TRPM3: variants seen among roughly 807,000 people sequenced by gnomAD.
TRPM3 encodes the protein long transient receptor potential channel 3.
TRPM3 carries 77 observed loss-of-function variants against 181.2 expected under a neutral mutation model. The ratio of observed to expected loss-of-function variants is 0.42; its 90% CI spans 0.35 to 0.51. The LOEUF is 0.51. TRPM3 is among the 20% of genes least tolerant of loss of function. The probability of loss-of-function intolerance (pLI) is 0.01; values close to 1 mark genes in which losing one functional copy is unlikely to be tolerated. For synonymous variants in TRPM3, 745 were observed against 796.4 expected, an observed-to-expected ratio of 0.94 and a Z score of 1.09; for missense variants, 1,759 against 2,196.7, an observed-to-expected ratio of 0.80 and a Z score of 3.98.
chr9:71,416,941 T>C (rs907401570), intron 1 of TRPM3, among the ~76,000 whole-genome samples: 1 of 152,016 alleles, frequency 6.6e-6, no homozygotes, highest in Non-Finnish European at 1.5e-5. Context: ...TACTATTCTG[T>C]GTCTGGTTTC....
At chr9:71,055,084 T>C (rs1318850000) in intron 1 of TRPM3, among the ~76,000 whole-genome samples, 1 of 152,124 alleles carries the variant, frequency 6.6e-6, no homozygotes, top group East Asian at 1.9e-4. Flanking sequence ...TGAGGTATTA[T>C]TAAGTCATGT....
At chr9:71,412,631 C>T (rs1003170500) in intron 1 of TRPM3, among the ~76,000 whole-genome samples, 55 of 152,198 alleles carry the variant, frequency 3.6e-4, no homozygotes, top group African/African-American at 1.3e-3. Flanking sequence ...GAAATAGGAA[C>T]ACTTTTACAC....
At chr9:71,045,382 C>T (rs1590938637) in intron 1 of TRPM3, among the ~76,000 whole-genome samples, 1 of 152,170 alleles carries the variant, frequency 6.6e-6, no homozygotes, top group Non-Finnish European at 1.5e-5. Flanking sequence ...GCAGGCAACA[C>T]ATCACAAGTT....
intron 3 of TRPM3, among the ~76,000 whole-genome samples, chr9:70,862,091 C>T (rs2095536808): frequency 6.6e-6 from 1 of 152,064 alleles, no homozygotes; most frequent in African/African-American, 2.4e-5. Flanking sequence ...AGCAAAATTT[C>T]TTCTCCAGAC....
chr9:70,622,608 G>C (rs747650177), intron 14 of TRPM3, among the ~76,000 whole-genome samples: 52 of 152,332 alleles, frequency 3.4e-4, no homozygotes, highest in Admixed American at 1.2e-3. Flanking sequence ...ACAGGCACAG[G>C]CTGAGTCGGA....
intron 1 of TRPM3, among the ~76,000 whole-genome samples, chr9:71,295,234 G>A (rs915860243): frequency 1.6e-4 from 24 of 152,004 alleles, no homozygotes; most frequent in African/African-American, 4.3e-4. Flanking sequence ...AGCAAGGTAG[G>A]AGGTATTCAT....
At chr9:71,150,154 T>A (rs1301557600) in intron 1 of TRPM3, among the ~76,000 whole-genome samples, 3 of 152,022 alleles carry the variant, frequency 2.0e-5, no homozygotes, top group African/African-American at 4.8e-5. Context: ...TTGTTATTTT[T>A]AAAAATAGGA....
intron 1 of TRPM3, among the ~76,000 whole-genome samples, chr9:71,160,136 T>C (rs906922903): frequency 6.6e-6 from 1 of 152,136 alleles, no homozygotes; most frequent in Non-Finnish European, 1.5e-5. Context: ...CAGGCACACT[T>C]TGGCCTTGTA....
chr9:71,119,652 G>GA lies in TRPM3; in HGVS notation c.177+1525dup, dbSNP rs1377535690. ...TTAAAGCTGATACATGACTTTAACTGAAAAAATGTTTCTCATTGCACTTCG... is the reference window on the plus strand; with the variant it reads ...TTAAAGCTGATACATGACTTTAACTGAAAAAAATGTTTCTCATTGCACTTCG... On this transcript the variant is annotated intron_variant, in intron 1 of 25. Transcript: ENST00000677713. Among the ~76,000 whole-genome samples, 4 of 152,262 alleles carry GA rather than the reference G, an allele frequency of 2.6e-5. No individual in the cohort carries two copies. In the South Asian group the frequency reaches 6.2e-4, roughly 24 times the overall value.
At chr9:71,348,798 C>T (rs1235464240) in intron 1 of TRPM3, among the ~76,000 whole-genome samples, 8 of 151,856 alleles carry the variant, frequency 5.3e-5, no homozygotes, top group East Asian at 1.9e-4. Context: ...CTCAAACTCC[C>T]GGCCTCAAAT....
intron 1 of TRPM3, among the ~76,000 whole-genome samples, chr9:71,207,142 T>C (rs541542810): frequency 2.0e-5 from 3 of 152,200 alleles, no homozygotes; most frequent in Admixed American, 2.0e-4. Flanking sequence ...TCCTTAAAAT[T>C]TTATAAATCA....
intron 3 of TRPM3, among the ~76,000 whole-genome samples, chr9:70,848,338 A>G (rs1014603014): frequency 2.0e-5 from 3 of 152,202 alleles, no homozygotes; most frequent in African/African-American, 7.2e-5. Context: ...ATTTGAAAAC[A>G]TGAAAGGAAA....
intron 1 of TRPM3, among the ~76,000 whole-genome samples, chr9:71,144,279 C>A (rs1410070911): frequency 7.2e-5 from 11 of 152,078 alleles, no homozygotes; most frequent in Non-Finnish European, 1.3e-4. Flanking sequence ...TTTTAAAGGG[C>A]CCATCTGATC....
rs1434719282 is a variant in TRPM3 at position 71,365,305 on chromosome 9, C to T, written c.183+81348G>A. On this transcript the variant is annotated intron_variant, in intron 1 of 24. Transcript: ENST00000357533. ...CCCTTCCCACTAAGAAAACCCCAGG[C>T]TGCATGTAAAGATTATAATGAAAAA... is the stretch of plus-strand genomic sequence containing the variant. Among the ~76,000 whole-genome samples the T allele has an allele frequency of 2.6e-5, 4 of 152,156 alleles. No individual in the cohort carries two copies. The East Asian group carries it at 7.7e-4, about 29-fold the overall frequency.
chr9:71,065,153 C>T (rs964617980), intron 1 of TRPM3, among the ~76,000 whole-genome samples: 1 of 152,000 alleles, frequency 6.6e-6, no homozygotes, highest in African/African-American at 2.4e-5. Flanking sequence ...GTACAATGAA[C>T]AATGCCACAA....
chr9:71,179,792 A>C (rs1272248763), intron 1 of TRPM3, among the ~76,000 whole-genome samples: 1 of 152,130 alleles, frequency 6.6e-6, no homozygotes, highest in Non-Finnish European at 1.5e-5. Context: ...ATTTTTCCAC[A>C]AACATTCTGT....
rs868437087 is a variant in TRPM3 at position 71,373,929 on chromosome 9, A to C, written c.183+72724T>G. ...GCACATCAAAAAGCTTATCCACCAC[A>C]ATCAAGCTGACTTGAAATCCGTGAT... On this transcript the variant is annotated intron_variant, in intron 1 of 24. Transcript: ENST00000357533. Among the ~76,000 whole-genome samples the C allele has an allele frequency of 5.9e-5, 9 of 152,352 alleles. No homozygotes were observed. The Middle Eastern group carries it at 0.014, about 230-fold the overall frequency.
rs56007123 is a variant in TRPM3 at position 71,260,230 on chromosome 9, A to C, written c.183+186423T>G. 6.1e-3 allele frequency among the ~76,000 whole-genome samples: 921 copies of C among 152,132 alleles called. 14 individuals are homozygous for C. Among genetic ancestry groups the C allele is most frequent in the African/African-American group, 0.021 (874 of 41,504 alleles). ...ATTTCTGAGGCCTCTGTTCTGTTCC[A>C]TTGGTCTATACATCTGTTTTGGTAC... On this transcript the variant is annotated intron_variant, in intron 1 of 24. Transcript: ENST00000357533.
At chr9:71,271,042 A>T (rs2083750437) in intron 1 of TRPM3, among the ~76,000 whole-genome samples, 1 of 152,292 alleles carries the variant, frequency 6.6e-6, no homozygotes, top group South Asian at 2.1e-4. Context: ...AACTATCCAA[A>T]TAAGTCATTA....
Sources: gnomAD v4.1 joint callset for allele counts (sites outside exome capture counted in the v4.1 genomes callset) on GRCh38, gnomAD v4.1.1 for gene constraint, MANE v1.5 for transcripts, NCBI Gene and HGNC (gene_info 2026-07-23, HGNC 2026-07-21) for gene names.